KCNQ1: variants seen among roughly 807,000 people sequenced by gnomAD.
The protein encoded by KCNQ1 is potassium voltage-gated channel subfamily Q member 1.
Under a neutral mutation model 72.4 loss-of-function variants are expected in KCNQ1, and 49 were observed. The observed-to-expected ratio is 0.68, with a 90% CI of 0.54 to 0.86. The LOEUF is 0.86. Ranked by LOEUF, KCNQ1 falls within the 40% of genes least tolerant of loss-of-function variation. KCNQ1 has a pLI of 0.00. For synonymous variants in KCNQ1, 450 were observed against 412.6 expected, an observed-to-expected ratio of 1.09 and a Z score of -1.10; for missense variants, 790 against 945.1, an observed-to-expected ratio of 0.84 and a Z score of 2.15.
intron 6 of KCNQ1, among the ~76,000 whole-genome samples, chr11:2,581,265 A>C (rs1444753441): frequency 2.6e-5 from 4 of 152,136 alleles, no homozygotes; most frequent in African/African-American, 7.2e-5. Flanking sequence ...ATGTGCTGGG[A>C]CCCTGGGCTG....
chr11:2,469,671 C>T (rs1846412693), intron 1 of KCNQ1, among the ~76,000 whole-genome samples: 2 of 138,326 alleles, frequency 1.4e-5, no homozygotes, highest in Admixed American at 1.5e-4. Context: ...TTCTTTTAAA[C>T]AATTTTTTTT....
chr11:2,479,147 G>T lies in KCNQ1; in HGVS notation c.386+33663G>T. On this transcript the variant is annotated intron_variant, in intron 1 of 15. Coordinates refer to ENST00000155840, the MANE Select transcript of KCNQ1 (RefSeq NM_000218.3). The surrounding 1 kb of genome is among the most constrained non-coding windows in gnomAD (Gnocchi z 4.6). ...AGCCTCCCTCCTGGCTGCTTTCACA[G>T]GCTGGCATTGAGTGTCTGCAGCTTT... Among the ~76,000 whole-genome samples, 1 of 152,150 alleles carries T rather than the reference G, an allele frequency of 6.6e-6. No individual in the cohort carries two copies. The highest frequency in any genetic ancestry group is 2.4e-5 in the African/African-American group (1 of 41,432).
intron 10 of KCNQ1, among the ~76,000 whole-genome samples, chr11:2,605,770 T>C (rs889191109): frequency 1.3e-5 from 2 of 152,212 alleles, no homozygotes; most frequent in African/African-American, 4.8e-5. Flanking sequence ...GTCCTTTGCA[T>C]TTTCATATGA....
At chr11:2,756,964 A>AC (rs1846311322) in intron 11 of KCNQ1, among the ~76,000 whole-genome samples, 1 of 146,902 alleles carries the variant, frequency 6.8e-6, no homozygotes, top group Non-Finnish European at 1.5e-5. Flanking sequence ...AAAAAAAAAA[A>AC]AAAAAAAAAA....
Position 2,572,092 on chromosome 11 carries a change from G to A in KCNQ1, c.763G>A (p.Val255Ile). The A allele has an allele frequency of 6.2e-7, 1 of 1,612,416 alleles. No homozygotes were observed. Among genetic ancestry groups the A allele is most frequent in the East Asian group, 2.2e-5 (1 of 44,862 alleles). ...GGTWRLLGSVVFIHRQELITT... is the reference protein window; with the variant it reads ...GGTWRLLGSVIFIHRQELITT... ...CACCTGGAGGCTCCTGGGCTCCGTG[G>A]TCTTCATCCACCGCCAGGTGGGTGG... The change falls in exon 5 of 16, where the codon GTC (valine) becomes ATC (isoleucine). Residue 255 changes from valine to isoleucine, a missense_variant. By Grantham distance (29) the Val-to-Ile change is conservative (BLOSUM62 3). This residue lies in a region of KCNQ1 where 133 missense variants were observed against 219.5 expected (regional missense o/e 0.61). Transcript: ENST00000155840.
At chr11:2,839,226 G>A (rs1848151841) in intron 15 of KCNQ1, among the ~76,000 whole-genome samples, 1 of 152,190 alleles carries the variant, frequency 6.6e-6, no homozygotes, top group Non-Finnish European at 1.5e-5. Flanking sequence ...GGGTGCACCT[G>A]GGCCTCCTGC....
rs186767935 is a variant in KCNQ1, at chr11:2,669,035, C to T, written c.1514+6954C>T. On this transcript the variant is annotated intron_variant, in intron 11 of 15. Transcript: ENST00000155840. The surrounding 1 kb of genome is among the most constrained non-coding windows in gnomAD (Gnocchi z 5.6). ...CTTGGATATCCAGTCTAGCTCAGCA[C>T]CCGGCATGGGAAGGCCCGTCCTCTC... The T allele has an allele frequency of 2.5e-6, 1 of 398,698 alleles. No homozygotes were observed. The highest frequency in any genetic ancestry group is 4.4e-6 in the Non-Finnish European group (1 of 226,106). 24.7% of individuals were successfully genotyped at this position (398,698 alleles called of 1,614,324 possible).
chr11:2,646,110 A>AT (rs1428323190), intron 10 of KCNQ1: 2 of 398,426 alleles, frequency 5.0e-6, no homozygotes, highest in Non-Finnish European at 8.8e-6. Context: ...TATCCCTTGC[A>AT]TTGGGTTTTT....
At chr11:2,487,282 G>C (rs1434282917) in intron 1 of KCNQ1, among the ~76,000 whole-genome samples, 1 of 152,184 alleles carries the variant, frequency 6.6e-6, no homozygotes, top group Non-Finnish European at 1.5e-5. Context: ...TAAGTTTATA[G>C]TAAAGTTTTG....
intron 11 of KCNQ1, among the ~76,000 whole-genome samples, chr11:2,719,121 G>A (rs1211838224): frequency 1.3e-5 from 2 of 152,108 alleles, no homozygotes; most frequent in African/African-American, 4.8e-5. Flanking sequence ...CTCCAGCCGT[G>A]TGCTCTCGGG....
rs1224780355 is a variant in KCNQ1 at position 2,847,979 on chromosome 11, G to C, written c.2007G>C (p.Arg669Ser). 7.1e-6 allele frequency: 11 copies of C among 1,551,836 alleles called. No homozygotes were observed. The highest frequency in any genetic ancestry group is 8.7e-6 in the Non-Finnish European group (10 of 1,146,436). ...CCTACGAGCAGCTGACCGTGCCCAG[G>C]AGGGGCCCCGATGAGGGGTCCTGAG... is the stretch of plus-strand genomic sequence containing the variant. The part of the protein sequence containing the change: ...LPTYEQLTVP[R>S]RGPDEGS Residue 669 changes from arginine (R) to serine (S), a missense_variant, in exon 16 of 16, where the codon AGG becomes AGC. Coordinates refer to ENST00000155840, the MANE Select transcript of KCNQ1 (RefSeq NM_000218.3).
rs991628401 is a variant in KCNQ1 at position 2,565,831 on chromosome 11, G to C, written c.478-4797G>C. On this transcript the variant is annotated intron_variant, in intron 2 of 15. Coordinates refer to ENST00000155840, the MANE Select transcript of KCNQ1 (RefSeq NM_000218.3). The surrounding 1 kb of genome is among the most constrained non-coding windows in gnomAD (Gnocchi z 5.6). Reference sequence around the variant, plus strand: ...TCTCAGGGAGGGGCAGAACCCATGGGGTTTGGCTTCCTGACCCTGAACGTC... The same window carrying C: ...TCTCAGGGAGGGGCAGAACCCATGGCGTTTGGCTTCCTGACCCTGAACGTC... 6.6e-6 allele frequency among the ~76,000 whole-genome samples: 1 copy of C among 152,234 alleles called. No homozygotes were observed. The highest frequency in any genetic ancestry group is 6.5e-5 in the Admixed American group (1 of 15,290).
chr11:2,585,436 C>G (rs1026978694), intron 8 of KCNQ1, 129 bp downstream of exon 8: 3 of 848,998 alleles, frequency 3.5e-6, no homozygotes, highest in Non-Finnish European at 5.8e-6. Context: ...GGGGCATACT[C>G]TGCTTGTGGA....
intron 10 of KCNQ1, chr11:2,634,333 C>A (rs1174118263): frequency 3.7e-6 from 1 of 271,560 alleles, no homozygotes; most frequent in Non-Finnish European, 6.8e-6. Context: ...CCCCTCCCCC[C>A]CCACCCCACA....
At position 2,548,245 on chromosome 11, in the gene KCNQ1, G is replaced by A. The variant is rs563561340; in HGVS notation, c.477+20227G>A. Among the ~76,000 whole-genome samples, 205 of 152,318 alleles carry A rather than the reference G, an allele frequency of 1.3e-3. 1 individual carries two copies. The highest frequency in any genetic ancestry group is 1.7e-3 in the Non-Finnish European group (119 of 68,020). On this transcript the variant is annotated intron_variant, in intron 2 of 15. Coordinates refer to ENST00000155840, the MANE Select transcript of KCNQ1 (RefSeq NM_000218.3). Reference sequence around the variant, plus strand: ...GCACGAGTCGTGTGAGCACAGAAACGTAGGTGGAAAGATGGTGGCTTCGTC... The same window carrying A: ...GCACGAGTCGTGTGAGCACAGAAACATAGGTGGAAAGATGGTGGCTTCGTC...
chr11:2,684,168 G>A, intron 11 of KCNQ1: 1 of 398,670 alleles, frequency 2.5e-6, no homozygotes, highest in Non-Finnish European at 4.4e-6. Flanking sequence ...GACTTAGGAA[G>A]AGAAGCGCCC....
chr11:2,452,626 C>CTA (rs1846132893), intron 1 of KCNQ1, among the ~76,000 whole-genome samples: 1 of 152,254 alleles, frequency 6.6e-6, no homozygotes, highest in African/African-American at 2.4e-5. Flanking sequence ...GCTTGGCATT[C>CTA]TATTCCGTGA....
rs1590042930 is a variant in KCNQ1 at position 2,703,493 on chromosome 11, G to A, written c.1514+41412G>A. On this transcript the variant is annotated intron_variant, in intron 11 of 15. Transcript: ENST00000155840. This position sits in a 1 kb window ranked among gnomAD's most constrained non-coding sequence, Gnocchi z 6.4. ...TGCAAGCCTGTGCACCCGAGAGCAC[G>A]CACGCACACACGCACTCACAGCTGA... Among the ~76,000 whole-genome samples the A allele has an allele frequency of 6.6e-6, 1 of 152,166 alleles. No homozygotes were observed. The highest frequency in any genetic ancestry group is 1.9e-4 in the East Asian group (1 of 5,188).
At chr11:2,700,832 C>T (rs916818274) in intron 11 of KCNQ1, among the ~76,000 whole-genome samples, 2 of 152,180 alleles carry the variant, frequency 1.3e-5, no homozygotes. Context: ...TCCCCTTGTC[C>T]GTCCCCTCCG....
Sources: allele counts gnomAD v4.1 joint callset (sites outside exome capture counted in the v4.1 genomes callset), GRCh38; gene constraint gnomAD v4.1.1; regional missense constraint gnomAD v4.1.1; non-coding constraint Gnocchi (gnomAD v3.1); transcripts MANE v1.5; gene names NCBI Gene and HGNC (gene_info 2026-07-23, HGNC 2026-07-21).